COX7A2L: variants seen among roughly 807,000 people sequenced by gnomAD.
COX7A2L encodes the protein cytochrome c oxidase subunit 7A2-like, mitochondrial.
A neutral mutation model predicts 14.2 loss-of-function variants in COX7A2L; 18 were observed. That is an observed-to-expected ratio of 1.27 (90% CI 0.88 to 1.88). The LOEUF (loss-of-function observed/expected upper bound fraction) is 1.88. COX7A2L is among the 40% of genes most tolerant of loss of function. COX7A2L has a pLI of 0.00. For synonymous variants in COX7A2L, 65 were observed against 57.4 expected (o/e 1.13, Z -0.60); for missense variants, 179 against 138.8 (o/e 1.29, Z -1.46).
In COX7A2L at chr2:42,338,832, G is replaced by A. The variant is rs1166768607; in HGVS notation, c.193-4963C>T. On this transcript the variant is annotated intron_variant, in intron 2 of 2. Coordinates refer to the COX7A2L transcript ENST00000468711. The surrounding 1 kb of genome is among the most constrained non-coding windows in gnomAD (Gnocchi z 4.4). ...GTTTAGGTGTTATCTGTGCGGCAGA[G>A]GTACCATCTCCCATGTCTAGAAAGG... Among the ~76,000 whole-genome samples, 1 of 152,230 alleles carries A rather than the reference G, an allele frequency of 6.6e-6. No homozygotes were observed. The highest frequency in any genetic ancestry group is 1.5e-5 in the Non-Finnish European group (1 of 68,048).
chr2:42,348,878 A>AGG (rs1670553407), downstream of COX7A2L, among the ~76,000 whole-genome samples: 1 of 152,096 alleles, frequency 6.6e-6, no homozygotes, highest in Non-Finnish European at 1.5e-5. Flanking sequence ...AGATCACGTC[A>AGG]CTGCTCTCCA....
intron 1 of COX7A2L, among the ~76,000 whole-genome samples, chr2:42,356,607 A>C (rs1393601646): frequency 2.6e-5 from 4 of 152,266 alleles, no homozygotes. Context: ...CATAGCAATA[A>C]GAAAACAACT....
intron 1 of COX7A2L, 29 bp downstream of exon 1, chr2:42,361,061 T>A: frequency 6.2e-6 from 10 of 1,611,092 alleles, no homozygotes; most frequent in Non-Finnish European, 8.5e-6. Flanking sequence ...CCACTTCTCA[T>A]GTCCGAGCTG....
rs759208203 is a variant in COX7A2L at position 42,353,151 on chromosome 2, A to G, written c.204+61T>C. The G allele has an allele frequency of 1.9e-6, 3 of 1,575,432 alleles. 1 individual carries two copies. Among genetic ancestry groups the G allele is most frequent in the South Asian group, 2.3e-5 (2 of 85,726 alleles). The stretch of plus-strand genomic sequence containing the variant: ...AAACTAGATTAAGATTTAGTTTCAT[A>G]AGGGATTTTTTAAGCCTATTTATTT... On this transcript the variant is annotated intron_variant, in intron 2 of 2. Coordinates refer to ENST00000234301, the MANE Select transcript of COX7A2L (RefSeq NM_004718.4).
downstream of COX7A2L, among the ~76,000 whole-genome samples, chr2:42,345,257 C>A (rs1188844857): frequency 6.6e-6 from 1 of 152,022 alleles, no homozygotes; most frequent in East Asian, 1.9e-4. Flanking sequence ...GTGGCACACA[C>A]CTGTAATCCC....
intron 2 of COX7A2L, among the ~76,000 whole-genome samples, chr2:42,340,748 C>A (rs778309580): frequency 3.2e-4 from 48 of 152,114 alleles, no homozygotes; most frequent in Non-Finnish European, 6.5e-4. Flanking sequence ...CTCCTCTCAC[C>A]TTCCCGGGGC....
chr2:42,356,669 G>A (rs148237921), intron 1 of COX7A2L, among the ~76,000 whole-genome samples: 2 of 152,336 alleles, frequency 1.3e-5, no homozygotes, highest in African/African-American at 4.8e-5. Context: ...GCTCATGCCT[G>A]TGGTCCCACC....
At position 42,358,432 on chromosome 2, in the gene COX7A2L, G is replaced by A. The variant is rs188008039; in HGVS notation, c.72+2658C>T. On this transcript the variant is annotated intron_variant, in intron 1 of 2. Coordinates refer to ENST00000234301, the MANE Select transcript of COX7A2L (RefSeq NM_004718.4). Reference sequence around the variant, plus strand: ...TCCATATTATGTTATTTAGTGCATGGCAAATTATTCACTTTACTTACTACT... The same window carrying A: ...TCCATATTATGTTATTTAGTGCATGACAAATTATTCACTTTACTTACTACT... Among the ~76,000 whole-genome samples the A allele has an allele frequency of 1.4e-4, 21 of 152,288 alleles. No homozygotes were observed. In the East Asian group the frequency reaches 3.1e-3, roughly 22 times the overall value.
intron 1 of COX7A2L, among the ~76,000 whole-genome samples, chr2:42,367,254 C>T (rs1671182080): frequency 6.6e-6 from 1 of 152,170 alleles, no homozygotes; most frequent in South Asian, 2.1e-4. Flanking sequence ...TACTGACAAG[C>T]TCAGTTACCT....
chr2:42,347,910 A>G (rs542235822), downstream of COX7A2L, among the ~76,000 whole-genome samples: 18 of 152,180 alleles, frequency 1.2e-4, no homozygotes, highest in Non-Finnish European at 2.4e-4. Flanking sequence ...AACAAGAGCG[A>G]AACTCCATCT....
intron 1 of COX7A2L, 95 bp downstream of exon 1, chr2:42,360,995 G>A (rs772036511): frequency 4.5e-6 from 6 of 1,337,240 alleles, no homozygotes; most frequent in African/African-American, 1.4e-5. Flanking sequence ...TCGACCGCGG[G>A]CAGAAGCCTC....
At chr2:42,346,742 G>A (rs567670546), downstream of COX7A2L, among the ~76,000 whole-genome samples, 5 of 151,608 alleles carry the variant, frequency 3.3e-5, no homozygotes, top group Non-Finnish European at 5.9e-5. Flanking sequence ...TCTGGGCGAC[G>A]GAGTGAGACC....
At chr2:42,347,632 A>T (rs1389551553), downstream of COX7A2L, among the ~76,000 whole-genome samples, 2 of 152,184 alleles carry the variant, frequency 1.3e-5, no homozygotes, top group Non-Finnish European at 2.9e-5. Flanking sequence ...AGGCAAAGAA[A>T]ATGCGTTGGC....
chr2:42,337,054 T>C (rs756104052), intron 2 of COX7A2L, among the ~76,000 whole-genome samples: 1 of 152,054 alleles, frequency 6.6e-6, no homozygotes, highest in Non-Finnish European at 1.5e-5. Flanking sequence ...AATTAGAAAA[T>C]TGTAACTAGA....
chr2:42,336,082 C>A (rs1670264074), intron 2 of COX7A2L, among the ~76,000 whole-genome samples: 1 of 152,224 alleles, frequency 6.6e-6, no homozygotes, highest in Non-Finnish European at 1.5e-5. Context: ...AGGCTTTGGG[C>A]AATTTCCATT....
intron 1 of COX7A2L, among the ~76,000 whole-genome samples, chr2:42,358,794 T>C (rs1397370880): frequency 6.6e-6 from 1 of 152,158 alleles, no homozygotes. Context: ...AATTTACTTT[T>C]TTCTTACTAA....
chr2:42,345,074 T>C (rs1670469833), downstream of COX7A2L, among the ~76,000 whole-genome samples: 1 of 152,150 alleles, frequency 6.6e-6, no homozygotes, highest in Non-Finnish European at 1.5e-5. Flanking sequence ...ATAAGTCATG[T>C]GTGATCTATT....
Position 42,353,224 on chromosome 2 carries a change from T to C in COX7A2L, c.192A>G (p.Gln64=), listed in dbSNP as rs1179357432. The change falls in exon 2 of 3, where the codon CAA becomes CAG. Residue 64 remains glutamine, a synonymous_variant. Coordinates refer to ENST00000234301, the MANE Select transcript of COX7A2L (RefSeq NM_004718.4). ...YAGKNKVPEL[Q]KFFQKADGVP... is the part of the protein sequence containing the mutation. ...TATCTTCCCTCACCTGGAAAAACTT[T>C]TGTAGCTCTGGAACTTTGTTTTTCC... 2.5e-6 allele frequency: 4 copies of C among 1,614,094 alleles called. No homozygotes were observed. The highest frequency in any genetic ancestry group is 2.2e-5 in the East Asian group (1 of 44,886).
intron 1 of COX7A2L, chr2:42,360,157 C>G (rs1670975694): frequency 6.6e-6 from 1 of 152,316 alleles, no homozygotes; most frequent in African/African-American, 2.4e-5. Flanking sequence ...AACTGCGTAT[C>G]TCACCGACAC....
Sources: gnomAD v4.1 joint callset for allele counts (sites outside exome capture counted in the v4.1 genomes callset) on GRCh38, gnomAD v4.1.1 for gene constraint, Gnocchi (gnomAD v3.1) non-coding constraint, MANE v1.5 for transcripts, NCBI Gene and HGNC (gene_info 2026-07-23, HGNC 2026-07-21) for gene names.